The following DDX55 variants were observed in gnomAD, a reference collection of about 807,000 sequenced individuals.
DDX55 encodes the protein ATP-dependent RNA helicase DDX55.
A neutral mutation model predicts 69.2 loss-of-function variants in DDX55; 56 were observed. That is an observed-to-expected ratio of 0.81 (90% CI 0.65 to 1.01). The LOEUF is 1.01. Ranked by LOEUF, DDX55 falls within the 50% of genes least tolerant of loss-of-function variation. The probability of loss-of-function intolerance (pLI) is 0.00; values close to 1 mark genes in which losing one functional copy is unlikely to be tolerated. For missense variants in DDX55, 720 were observed against 745.1 expected (o/e 0.97, Z 0.39); for synonymous variants, 268 against 273.1 (o/e 0.98, Z 0.18).
intron 11 of DDX55, 115 bp downstream of exon 11, chr12:123,617,987 G>A (rs1276963340): frequency 2.0e-6 from 2 of 1,005,550 alleles, no homozygotes; most frequent in Admixed American, 2.1e-5. Flanking sequence ...GGGCTGGGCT[G>A]GTGGTGGCAG....
intron 5 of DDX55, 131 bp downstream of exon 5, chr12:123,607,793 C>T (rs1449945892): frequency 7.9e-7 from 1 of 1,266,240 alleles, no homozygotes; most frequent in South Asian, 1.2e-5. Flanking sequence ...GGTGTTTTCT[C>T]CAGGCCAGCT....
At position 123,615,239 on chromosome 12, in the gene DDX55, C is replaced by T. The variant is rs765572786; in HGVS notation, c.879C>T (p.Gly293=). 2.6e-5 allele frequency: 42 copies of T among 1,613,988 alleles called. No individual in the cohort carries two copies. Among genetic ancestry groups the T allele is most frequent in the Non-Finnish European group, 3.2e-5 (38 of 1,180,024 alleles). The part of the protein sequence containing the change: ...YGKALEVLVK[G]VKIMCIHGKM... Reference sequence around the variant, plus strand: ...AGGCTCTGGAAGTGCTGGTGAAGGGCGTGAAGATTATGTGCATTCACGGAA... The same window carrying T: ...AGGCTCTGGAAGTGCTGGTGAAGGGTGTGAAGATTATGTGCATTCACGGAA... Residue 293 remains glycine, a synonymous_variant, in exon 9 of 14, where the codon GGC becomes GGT. Transcript: ENST00000238146.
chr12:123,606,536 T>C (rs997537887), intron 3 of DDX55, among the ~76,000 whole-genome samples: 1 of 152,110 alleles, frequency 6.6e-6, no homozygotes, highest in African/African-American at 2.4e-5. Flanking sequence ...ACTGCTCAGG[T>C]GTAAACAGTG....
chr12:123,602,683 C>A (rs1189200628), intron 1 of DDX55, among the ~76,000 whole-genome samples: 1 of 152,226 alleles, frequency 6.6e-6, no homozygotes, highest in Non-Finnish European at 1.5e-5. Flanking sequence ...TGCATCTCTT[C>A]AAGAATATTT....
At position 123,616,598 on chromosome 12, in the gene DDX55, T is replaced by C; in HGVS notation, c.1044T>C (p.Asn348=). The C allele has an allele frequency of 6.2e-7, 1 of 1,614,082 alleles. No homozygotes were observed. Among genetic ancestry groups the C allele is most frequent in the Non-Finnish European group, 8.5e-7 (1 of 1,179,974 alleles). The change falls in exon 10 of 14, where the codon AAT becomes AAC. Residue 348 remains asparagine (N), a synonymous_variant. Transcript: ENST00000238146. ...NWVLQYDPPS[N]ASAFVHRCGR... is the part of the protein sequence containing the mutation. ...TTTTGCAGTATGACCCTCCCAGCAA[T>C]GCAAGGTATGGTACGAGGCTGCCAC... is the stretch of plus-strand genomic sequence containing the variant.
At chr12:123,609,573 A>G (rs1280780797) in intron 6 of DDX55, among the ~76,000 whole-genome samples, 1 of 151,366 alleles carries the variant, frequency 6.6e-6, no homozygotes, top group Non-Finnish European at 1.5e-5. Context: ...AGATCCCATT[A>G]TGTTGCCCAG....
intron 1 of DDX55, 67 bp downstream of exon 1, chr12:123,602,323 C>A: frequency 7.1e-7 from 1 of 1,407,612 alleles, no homozygotes; most frequent in Non-Finnish European, 9.5e-7. Flanking sequence ...ATCGGACCCA[C>A]AGGAGGTGAT....
At chr12:123,612,011 G>A (rs1401199991) in intron 7 of DDX55, among the ~76,000 whole-genome samples, 1 of 152,204 alleles carries the variant, frequency 6.6e-6, no homozygotes, top group South Asian at 2.1e-4. Context: ...ATGCAAAAAT[G>A]TTCATGATAG....
At chr12:123,619,866 C>T in intron 13 of DDX55, 98 bp from the exon 14 acceptor site, 1 of 1,524,478 alleles carries the variant, frequency 6.6e-7, no homozygotes, top group Admixed American at 2.2e-5. Context: ...TTGCAGAAGC[C>T]AATCTGAGAG....
chr12:123,612,336 G>A (rs1954305823), intron 7 of DDX55, among the ~76,000 whole-genome samples: 1 of 152,154 alleles, frequency 6.6e-6, no homozygotes, highest in South Asian at 2.1e-4. Flanking sequence ...CATTCGTTTT[G>A]CATTTAGAGA....
Position 123,619,170 on chromosome 12 carries a change from T to C in DDX55, c.1334-262T>C, listed in dbSNP as rs1239765474. On this transcript the variant is annotated intron_variant, in intron 12 of 13. Coordinates refer to ENST00000238146, the MANE Select transcript of DDX55 (RefSeq NM_020936.3). ...GGCGCCCGCCACCACGCCCAGCTAA[T>C]TTTTTGTATTTTTTAGTAGAGACGG... 3.3e-5 allele frequency among the ~76,000 whole-genome samples: 5 copies of C among 152,242 alleles called. No individual in the cohort carries two copies. In the South Asian group the frequency reaches 8.3e-4, roughly 25 times the overall value.
At chr12:123,610,273 G>A in intron 7 of DDX55, 145 bp downstream of exon 7, 1 of 1,009,748 alleles carries the variant, frequency 9.9e-7, no homozygotes, top group South Asian at 1.7e-5. Context: ...AATGGCCTGA[G>A]TGGTCCTACT....
At chr12:123,618,894 CAAGTAT>C (rs1555283237) in intron 12 of DDX55, 57 bp downstream of exon 12, 3 of 1,586,712 alleles carry the variant, frequency 1.9e-6, no homozygotes, top group Admixed American at 1.7e-5. Context: ...GGTGGTCTTA[CAAGTAT>C]GAGATTGCTT....
At chr12:123,616,446 A>G in intron 9 of DDX55, 65 bp from the exon 10 acceptor site, 1 of 1,410,934 alleles carries the variant, frequency 7.1e-7, no homozygotes, top group Non-Finnish European at 1.0e-6. Context: ...CGAGATCAGT[A>G]GGCTGTTTGA....
rs777521976 is a variant in DDX55 at position 123,619,644 on chromosome 12, A to G, written c.1546A>G (p.Ile516Val). The G allele has an allele frequency of 1.2e-6, 2 of 1,611,536 alleles. No homozygotes were observed. ...KTENEGRRKF[I>V]KNKAWSKQKA... ...AGAAAATGAAGGGAGAAGAAAATTC[A>G]TAAAAAATAAAGCTTGGTCAAAGCA... Residue 516 changes from isoleucine to valine, a missense_variant, in exon 13 of 14, where the codon ATA becomes GTA. By Grantham distance (29) the Ile-to-Val change is conservative. Coordinates refer to ENST00000238146, the MANE Select transcript of DDX55 (RefSeq NM_020936.3).
At chr12:123,617,936 C>CT in intron 11 of DDX55, 64 bp downstream of exon 11, 1 of 1,485,938 alleles carries the variant, frequency 6.7e-7, no homozygotes, top group Non-Finnish European at 9.4e-7. Context: ...AGTTCTCCAG[C>CT]ATGTGGTCAG....
chr12:123,618,362 A>C (rs754940697), intron 11 of DDX55: 2 of 677,574 alleles, frequency 3.0e-6, no homozygotes, highest in South Asian at 2.7e-5. Flanking sequence ...GGAGTGACCA[A>C]GTCTCCTGTG....
chr12:123,617,675 G>C (rs1954780187), intron 10 of DDX55, 83 bp from the exon 11 acceptor site: 1 of 1,288,496 alleles, frequency 7.8e-7, no homozygotes, highest in East Asian at 2.4e-5. Flanking sequence ...GAGCGTTTTA[G>C]CTGCAGCAGC....
rs951196525 is a variant in DDX55 at position 123,616,593 on chromosome 12, A to G, written c.1039A>G (p.Ser347Gly). 1.7e-5 allele frequency: 27 copies of G among 1,613,994 alleles called. No individual in the cohort carries two copies. The highest frequency in any genetic ancestry group is 2.2e-5 in the Non-Finnish European group (26 of 1,180,002). Reference protein sequence around the residue: ...VNWVLQYDPPSNASAFVHRCG... With the variant: ...VNWVLQYDPPGNASAFVHRCG... ...CTGGGTTTTGCAGTATGACCCTCCC[A>G]GCAATGCAAGGTATGGTACGAGGCT... Residue 347 changes from serine to glycine, a missense_variant, in exon 10 of 14, where the codon AGC (serine) becomes GGC (glycine). Coordinates refer to ENST00000238146, the MANE Select transcript of DDX55 (RefSeq NM_020936.3).
Sources: allele counts gnomAD v4.1 joint callset (sites outside exome capture counted in the v4.1 genomes callset), GRCh38; gene constraint gnomAD v4.1.1; transcripts MANE v1.5; gene names NCBI Gene and HGNC (gene_info 2026-07-23, HGNC 2026-07-21).